The following TTN variants were observed in gnomAD, a reference collection of about 807,000 sequenced individuals.
TTN encodes the protein connectin.
Under a neutral mutation model 3,223.0 loss-of-function variants are expected in TTN, and 1,525 were observed. That is an observed-to-expected ratio of 0.47 (90% CI 0.45 to 0.49). The LOEUF is 0.49. TTN is among the 20% of genes least tolerant of loss of function. TTN has a pLI of 0.00. For missense variants in TTN, 40,786 were observed against 43,424.0 expected (o/e 0.94, Z 5.40); for synonymous variants, 14,094 against 15,161.0 (o/e 0.93, Z 5.17).
chr2:178,572,146 T>A lies in TTN; in HGVS notation c.73986A>T (p.Lys24662Asn). 1 of 1,613,412 alleles carries A rather than the reference T, an allele frequency of 6.2e-7. No individual in the cohort carries two copies. Among genetic ancestry groups the A allele is most frequent in the Non-Finnish European group, 8.5e-7 (1 of 1,179,612 alleles). Reference sequence around the variant, plus strand: ...CCTTGACTGTGGCACACGTGGCCCATTTGTCACTGCCTTTGGTCTGCATCT... The same window carrying A: ...CCTTGACTGTGGCACACGTGGCCCAATTGTCACTGCCTTTGGTCTGCATCT... ...IVEMQTKGSD[K>N]WATCATVKVT... Residue 24662 changes from lysine (K) to asparagine (N), a missense_variant, in exon 326 of 363, where the codon AAA (lysine) becomes AAT (asparagine). Lys to Asn is a moderately conservative substitution (Grantham distance 94). Transcript: ENST00000589042.
Position 178,635,229 on chromosome 2 carries a change from T to G in TTN, c.41960A>C (p.Glu13987Ala), listed in dbSNP as rs2060288635. The G allele has an allele frequency of 6.2e-7, 1 of 1,613,264 alleles. No homozygotes were observed. The highest frequency in any genetic ancestry group is 1.3e-5 in the African/African-American group (1 of 74,886). The part of the protein sequence containing the change: ...YEKESASFDA[E>A]ISEADIPGQW... The stretch of plus-strand genomic sequence containing the variant: ...TCCAGGAATGTCTGCCTCTGAGATT[T>G]CTGCATCAAAGCTTGCACTTTCTTT... Residue 13987 changes from glutamate to alanine, a missense_variant, in exon 228 of 363, where the codon GAA becomes GCA. Physicochemically the swap from Glu to Ala is moderately radical, Grantham distance 107 (BLOSUM62 -1). Coordinates refer to ENST00000589042, the MANE Select transcript of TTN (RefSeq NM_001267550.2).
rs542139839 is a variant in TTN at position 178,621,570 on chromosome 2, C to G, written c.45254G>C (p.Arg15085Thr). The G allele has an allele frequency of 3.7e-6, 6 of 1,612,484 alleles. No homozygotes were observed. In the African/African-American group the frequency reaches 6.7e-5, roughly 18 times the overall value. Reference sequence around the variant, plus strand: ...GTGAGCGTTCTGAATGACCAGGATTCTCTTCCGTCCTTCAGTCAGTATTTC... The same window carrying G: ...GTGAGCGTTCTGAATGACCAGGATTGTCTTCCGTCCTTCAGTCAGTATTTC... ...RYEILTEGRKRILVIQNAHLE... is the reference protein window; with the variant it reads ...RYEILTEGRKTILVIQNAHLE... Residue 15085 changes from arginine to threonine, a missense_variant, in exon 245 of 363, where the codon AGA becomes ACA. By Grantham distance (71) the Arg-to-Thr change is moderately conservative (BLOSUM62 -1). Coordinates refer to ENST00000589042, the MANE Select transcript of TTN (RefSeq NM_001267550.2).
intron 102 of TTN, among the ~76,000 whole-genome samples, chr2:178,706,173 G>C (rs1158734099): frequency 6.6e-6 from 1 of 152,126 alleles, no homozygotes; most frequent in African/African-American, 2.4e-5. Flanking sequence ...TGGGAGATTG[G>C]CTTCAGGAGG....
chr2:178,759,210 A>G, intron 43 of TTN, 38 bp from the exon 44 acceptor site: 1 of 1,609,252 alleles, frequency 6.2e-7, no homozygotes. Context: ...CAACCACAAA[A>G]ATGAGTGGAT....
chr2:178,594,408 G>A lies in TTN; in HGVS notation c.58086C>T (p.Val19362=). ...GDTYEYRVSA[V]NIVGQGKPSF... is the part of the protein sequence containing the mutation. The stretch of plus-strand genomic sequence containing the variant: ...ATGGTTTGCCTTGTCCAACAATGTT[G>A]ACAGCACTGACACGGTACTCATAGG... Residue 19362 remains valine, a synonymous_variant, in exon 296 of 363, where the codon GTC becomes GTT. Coordinates refer to ENST00000589042, the MANE Select transcript of TTN (RefSeq NM_001267550.2). 3 of 1,608,058 alleles carry A rather than the reference G, an allele frequency of 1.9e-6. No homozygotes were observed. Among genetic ancestry groups the A allele is most frequent in the Non-Finnish European group, 2.5e-6 (3 of 1,176,676 alleles).
chr2:178,621,563 C>G lies in TTN; in HGVS notation c.45261G>C (p.Leu15087=). 1 of 1,612,444 alleles carries G rather than the reference C, an allele frequency of 6.2e-7. No homozygotes were observed. Among genetic ancestry groups the G allele is most frequent in the South Asian group, 1.1e-5 (1 of 91,056 alleles). Reference sequence around the variant, plus strand: ...CCTCAAGGTGAGCGTTCTGAATGACCAGGATTCTCTTCCGTCCTTCAGTCA... The same window carrying G: ...CCTCAAGGTGAGCGTTCTGAATGACGAGGATTCTCTTCCGTCCTTCAGTCA... ...EILTEGRKRI[L]VIQNAHLEDA... Residue 15087 remains leucine (L), a synonymous_variant, in exon 245 of 363, where the codon CTG becomes CTC. Transcript: ENST00000589042.
rs1379690495 is a variant in TTN, at chr2:178,770,144, G to C, written c.8557C>G (p.Leu2853Val). 1 of 1,614,124 alleles carries C rather than the reference G, an allele frequency of 6.2e-7. No homozygotes were observed. The highest frequency in any genetic ancestry group is 1.1e-5 in the South Asian group (1 of 91,082). The change falls in exon 36 of 363, where the codon CTG (leucine) becomes GTG (valine). Residue 2853 changes from leucine (L) to valine (V), a missense_variant. Transcript: ENST00000589042. ...GCATCTGAGGGGGAGATGTTCTGCAGCATCAGCTTGTGGACTTTCCTTTCT... is the reference window on the plus strand; with the variant it reads ...GCATCTGAGGGGGAGATGTTCTGCACCATCAGCTTGTGGACTTTCCTTTCT... ...VSERKVHKLM[L>V]QNISPSDAGE...
At chr2:178,558,815 A>G in intron 326 of TTN, 178 bp from the exon 327 acceptor site, 1 of 630,858 alleles carries the variant, frequency 1.6e-6, no homozygotes, top group Non-Finnish European at 2.6e-6. Flanking sequence ...CCCACAAGCT[A>G]TGTCATTACA....
chr2:178,567,707 T>G lies in TTN; in HGVS notation c.78425A>C (p.Asn26142Thr), dbSNP rs775124678. Residue 26142 changes from asparagine to threonine, a missense_variant, in exon 326 of 363, where the codon AAT becomes ACT. Physicochemically the swap from Asn to Thr is moderately conservative, Grantham distance 65 (BLOSUM62 0). Transcript: ENST00000589042. ...CACAGTAAATTGAGTTTCAATGACA[T>G]TTGTAAAGCTAGCTTTCATCCAACG... is the stretch of plus-strand genomic sequence containing the variant. ...DGRWMKASFT[N>T]VIETQFTVSG... 1.9e-6 allele frequency: 3 copies of G among 1,612,004 alleles called. No homozygotes were observed. The South Asian group carries it at 3.3e-5, about 18-fold the overall frequency.
chr2:178,680,099 A>G (rs1343619744), intron 139 of TTN, 44 bp from the exon 140 acceptor site: 6 of 1,604,262 alleles, frequency 3.7e-6, no homozygotes, highest in Non-Finnish European at 2.6e-6. Context: ...CCAATGACTC[A>G]ACAAAATTAA....
chr2:178,554,274 C>T lies in TTN; in HGVS notation c.88895-58G>A, dbSNP rs1700441695. On this transcript the variant is annotated intron_variant, in intron 332 of 362. Transcript: ENST00000589042. ...GAATCCACATTACTGATAAATTATA[C>T]CTTTGATGTTCGCATTCTTTCCAAG... 7 of 1,491,130 alleles carry T rather than the reference C, an allele frequency of 4.7e-6. No homozygotes were observed. In the Admixed American group the frequency reaches 1.3e-4, roughly 29 times the overall value. The allele number at this position is 1,491,130 out of a possible 1,614,324, so 92.4% of individuals were successfully genotyped here. A position where few individuals can be genotyped will look rare whatever the true frequency, so the allele number is the denominator to read the frequency against.
rs2058765049 is a variant in TTN at position 178,624,668 on chromosome 2, A to G, written c.44612T>C (p.Val14871Ala). Residue 14871 changes from valine to alanine, a missense_variant, in exon 242 of 363, where the codon GTG (valine) becomes GCG (alanine). Coordinates refer to ENST00000589042, the MANE Select transcript of TTN (RefSeq NM_001267550.2). ...DQTVEEGATA[V>A]LECEVSRENA... ...TTCTCTGGAGACTTCACACTCCAGC[A>G]CTGCAGTGGCTCCCTCTTCGACCGT... The G allele has an allele frequency of 1.2e-6, 2 of 1,612,396 alleles. No homozygotes were observed. The highest frequency in any genetic ancestry group is 1.3e-5 in the African/African-American group (1 of 74,820).
At position 178,708,134 on chromosome 2, in the gene TTN, T is replaced by C. The variant is rs887113057; in HGVS notation, c.28754-321A>G. The stretch of plus-strand genomic sequence containing the variant: ...CTTTGCCATATAGCACACTATTAAT[T>C]CTCTCAAACCTGTGTACAGCGGTGT... On this transcript the variant is annotated intron_variant, in intron 99 of 362. Coordinates refer to ENST00000589042, the MANE Select transcript of TTN (RefSeq NM_001267550.2). 3.3e-5 allele frequency among the ~76,000 whole-genome samples: 5 copies of C among 152,306 alleles called. No homozygotes were observed. The East Asian group carries it at 9.6e-4, about 29-fold the overall frequency.
In TTN at chr2:178,548,636, G is replaced by A. The variant is rs981213729; in HGVS notation, c.92990C>T (p.Thr30997Ile). The change falls in exon 339 of 363, where the codon ACT (threonine) becomes ATT (isoleucine). Residue 30997 changes from threonine (T) to isoleucine (I), a missense_variant. By Grantham distance (89) the Thr-to-Ile change is moderately conservative (BLOSUM62 -1). Coordinates refer to ENST00000589042, the MANE Select transcript of TTN (RefSeq NM_001267550.2). This position sits in a 1 kb window ranked among gnomAD's most constrained non-coding sequence, Gnocchi z 4.3. ...CTTACTACCACTGTTGTTTTCCACA[G>A]TAAGGGTATATTTCCCTGCATCATT... ...NRNDAGKYTLTVENNSGSKSI... is the reference protein window; with the variant it reads ...NRNDAGKYTLIVENNSGSKSI... 5.6e-6 allele frequency: 9 copies of A among 1,613,872 alleles called. No individual in the cohort carries two copies. The highest frequency in any genetic ancestry group is 2.2e-5 in the South Asian group (2 of 91,078).
At position 178,551,740 on chromosome 2, in the gene TTN, G is replaced by A. The variant is rs754591100; in HGVS notation, c.91160C>T (p.Thr30387Ile). Residue 30387 changes from threonine (T) to isoleucine (I), a missense_variant, in exon 335 of 363, where the codon ACT (threonine) becomes ATT (isoleucine). Physicochemically the swap from Thr to Ile is moderately conservative, Grantham distance 89 (BLOSUM62 -1). Coordinates refer to ENST00000589042, the MANE Select transcript of TTN (RefSeq NM_001267550.2). ...GTAATCCAGACCTTCTACCAGTCCA[G>A]TGGCTCTATATTCTCTTCCAGAGAT... ...SPISGREYRA[T>I]GLVEGLDYQF... The A allele has an allele frequency of 1.9e-6, 3 of 1,613,826 alleles. No homozygotes were observed. Among genetic ancestry groups the A allele is most frequent in the Admixed American group, 3.3e-5 (2 of 60,004 alleles).
Position 178,731,715 on chromosome 2 carries a change from G to A in TTN, c.17160C>T (p.Cys5720=), listed in dbSNP as rs972381308. Residue 5720 remains cysteine (C), a synonymous_variant, in exon 58 of 363, where the codon TGC becomes TGT. Coordinates refer to ENST00000589042, the MANE Select transcript of TTN (RefSeq NM_001267550.2). Reference sequence around the variant, plus strand: ...AACCTCTTAAAGTCACCCTGGCACTGCAGATGCTGCTGCCCACCTCATTGG... The same window carrying A: ...AACCTCTTAAAGTCACCCTGGCACTACAGATGCTGCTGCCCACCTCATTGG... The part of the protein sequence containing the change: ...RVTNEVGSSI[C]SARVTLREPP... 11 of 1,612,166 alleles carry A rather than the reference G, an allele frequency of 6.8e-6. No homozygotes were observed. Among genetic ancestry groups the A allele is most frequent in the Non-Finnish European group, 9.3e-6 (11 of 1,178,570 alleles).
intron 33 of TTN, 132 bp downstream of exon 33, chr2:178,772,977 T>C (rs1225730591): frequency 2.6e-6 from 3 of 1,157,998 alleles, no homozygotes; most frequent in East Asian, 2.5e-5. Flanking sequence ...TTGCAAGTAC[T>C]ATTGGCTTTG....
chr2:178,592,732 C>T (rs754460894), intron 300 of TTN, 43 bp downstream of exon 300: 9 of 1,612,288 alleles, frequency 5.6e-6, no homozygotes, highest in African/African-American at 4.0e-5. Context: ...TACAATCAGA[C>T]ATCTATTTTC....
chr2:178,745,045 C>T lies in TTN; in HGVS notation c.11312-3124G>A, dbSNP rs889555810. ...GTCAAACAGATTATAGAGTTAGTTG[C>T]CAATTGGGAGAAGCTGGTTTTTGTT... On this transcript the variant is annotated intron_variant, in intron 47 of 362. Transcript: ENST00000589042. 1.3e-5 allele frequency: 13 copies of T among 986,762 alleles called. No individual in the cohort carries two copies. The Admixed American group carries it at 5.4e-4, about 41-fold the overall frequency. 61.1% of individuals were successfully genotyped at this position (986,762 alleles called of 1,614,324 possible). A position where few individuals can be genotyped will look rare whatever the true frequency, so the allele number is the denominator to read the frequency against.
Sources: allele counts gnomAD v4.1 joint callset (sites outside exome capture counted in the v4.1 genomes callset), GRCh38; gene constraint gnomAD v4.1.1; non-coding constraint Gnocchi (gnomAD v3.1); transcripts MANE v1.5; gene names NCBI Gene and HGNC (gene_info 2026-07-23, HGNC 2026-07-21).